Variants in CFAP299 observed in about 807,000 individuals in gnomAD.
CFAP299 encodes cilia and flagella associated protein 299.
A neutral mutation model predicts 27.0 loss-of-function variants in CFAP299; 21 were observed. The observed-to-expected ratio is 0.78, with a 90% CI of 0.55 to 1.12. The LOEUF is 1.12. Ranked by LOEUF, CFAP299 falls within the 50% of genes most tolerant of loss-of-function variation. The pLI, the probability that CFAP299 is intolerant of heterozygous loss-of-function variation, is 0.00. For synonymous variants in CFAP299, 104 were observed against 98.1 expected (o/e 1.06, Z -0.36); for missense variants, 310 against 276.6 (o/e 1.12, Z -0.86).
At chr4:80,712,705 T>C (rs1344150114) in intron 3 of CFAP299, among the ~76,000 whole-genome samples, 1 of 152,208 alleles carries the variant, frequency 6.6e-6, no homozygotes, top group Non-Finnish European at 1.5e-5. Flanking sequence ...TGAATTAGTA[T>C]GTTTTTCCCT....
chr4:80,659,711 CT>C (rs1740738377), intron 3 of CFAP299, among the ~76,000 whole-genome samples: 1 of 152,018 alleles, frequency 6.6e-6, no homozygotes, highest in South Asian at 2.1e-4. Context: ...TATAACTACT[CT>C]GAAAAATAAA....
intron 4 of CFAP299, among the ~76,000 whole-genome samples, chr4:80,873,633 G>A (rs1245589456): frequency 6.6e-6 from 1 of 152,190 alleles, no homozygotes; most frequent in Non-Finnish European, 1.5e-5. Context: ...AAACACTGAT[G>A]AGACAGGACA....
intron 3 of CFAP299, among the ~76,000 whole-genome samples, chr4:80,717,701 A>G (rs1722566484): frequency 6.6e-6 from 1 of 152,160 alleles, no homozygotes; most frequent in African/African-American, 2.4e-5. Context: ...AATGTTTTAC[A>G]TTCATTAGTT....
chr4:80,487,371 G>A (rs1015335344), intron 2 of CFAP299, among the ~76,000 whole-genome samples: 2 of 152,098 alleles, frequency 1.3e-5, no homozygotes, highest in African/African-American at 4.8e-5. Flanking sequence ...ATTTACAGAG[G>A]CTATCAGTTT....
Position 80,603,040 on chromosome 4 carries a change from A to G in CFAP299, c.333+19857A>G, listed in dbSNP as rs554232949. ...CCCATACTCCCAAAAGTATAAGCAA[A>G]TATTTATCTGCTTTTAGGATAAAGA... On this transcript the variant is annotated intron_variant, in intron 3 of 5. Coordinates refer to ENST00000358105, the MANE Select transcript of CFAP299 (RefSeq NM_152770.3). Among the ~76,000 whole-genome samples, 23 of 152,228 alleles carry G rather than the reference A, an allele frequency of 1.5e-4. No homozygotes were observed. The South Asian group carries it at 4.8e-3, about 32-fold the overall frequency.
intron 4 of CFAP299, among the ~76,000 whole-genome samples, chr4:80,908,746 C>T (rs1735311343): frequency 6.6e-6 from 1 of 152,130 alleles, no homozygotes; most frequent in Admixed American, 6.6e-5. Flanking sequence ...TAAATATTTG[C>T]TAAAGCAGAT....
intron 2 of CFAP299, among the ~76,000 whole-genome samples, chr4:80,562,044 T>C (rs1735058646): frequency 6.6e-6 from 1 of 152,138 alleles, no homozygotes; most frequent in Admixed American, 6.6e-5. Context: ...GTTTTCTTTT[T>C]GCTTGTTTAT....
intron 2 of CFAP299, among the ~76,000 whole-genome samples, chr4:80,525,647 C>T (rs926344500): frequency 3.3e-5 from 5 of 152,122 alleles, no homozygotes; most frequent in Non-Finnish European, 5.9e-5. Flanking sequence ...GCCGTTTCCT[C>T]CCCGGTCTCG....
At chr4:80,472,340 C>T (rs1469897393) in intron 2 of CFAP299, among the ~76,000 whole-genome samples, 5 of 152,146 alleles carry the variant, frequency 3.3e-5, no homozygotes, top group African/African-American at 9.7e-5. Context: ...CTCTATAACA[C>T]AATTGCAATG....
rs867243765 is a variant in CFAP299 at position 80,845,294 on chromosome 4, A to T, written c.334-24699A>T. Reference sequence around the variant, plus strand: ...GTCCCACACTGTTTTTTTTTTTTTTAAAAGACCGTTCAAGTTTTTCAGTGA... The same window carrying T: ...GTCCCACACTGTTTTTTTTTTTTTTTAAAGACCGTTCAAGTTTTTCAGTGA... On this transcript the variant is annotated intron_variant, in intron 3 of 5. Transcript: ENST00000358105. Among the ~76,000 whole-genome samples the T allele has an allele frequency of 4.8e-3, 642 of 132,644 alleles. 1 individual carries two copies. Among genetic ancestry groups the T allele is most frequent in the African/African-American group, 0.018 (547 of 30,756 alleles). 87.0% of individuals were successfully genotyped at this position (132,644 alleles called of 152,430 possible).
chr4:80,815,951 G>T (rs951411472), intron 3 of CFAP299, among the ~76,000 whole-genome samples: 1 of 151,768 alleles, frequency 6.6e-6, no homozygotes, highest in Admixed American at 6.6e-5. Flanking sequence ...TACAATACTT[G>T]TAATATTAAA....
chr4:80,691,971 G>T (rs1407226479), intron 3 of CFAP299, among the ~76,000 whole-genome samples: 1 of 152,004 alleles, frequency 6.6e-6, no homozygotes, highest in Non-Finnish European at 1.5e-5. Context: ...AAAATACCTA[G>T]GAATCCAACT....
chr4:80,903,970 T>C (rs956542664), intron 4 of CFAP299, among the ~76,000 whole-genome samples: 2 of 152,194 alleles, frequency 1.3e-5, no homozygotes, highest in African/African-American at 4.8e-5. Context: ...ATATATAATT[T>C]TTTATTTGAG....
At chr4:80,912,227 C>T (rs1462273180) in intron 4 of CFAP299, among the ~76,000 whole-genome samples, 1 of 152,136 alleles carries the variant, frequency 6.6e-6, no homozygotes, top group African/African-American at 2.4e-5. Context: ...GATATAGTGC[C>T]TCTTCAAGAT....
At chr4:80,926,408 G>A (rs1410728922) in intron 4 of CFAP299, among the ~76,000 whole-genome samples, 2 of 151,976 alleles carry the variant, frequency 1.3e-5, no homozygotes, top group African/African-American at 2.4e-5. Context: ...AAGGGATGCA[G>A]ACCAAAGGTG....
At chr4:80,673,815 A>G (rs537193607) in intron 3 of CFAP299, among the ~76,000 whole-genome samples, 1 of 145,636 alleles carries the variant, frequency 6.9e-6, no homozygotes, top group African/African-American at 2.5e-5. Context: ...AGTATGTTTT[A>G]TCAGAGACTA....
chr4:80,499,680 C>T (rs973621882), intron 2 of CFAP299, among the ~76,000 whole-genome samples: 1 of 151,826 alleles, frequency 6.6e-6, no homozygotes, highest in African/African-American at 2.4e-5. Flanking sequence ...TTTTTTGTTT[C>T]TATTAATTTT....
At chr4:80,898,790 G>A (rs972818911) in intron 4 of CFAP299, among the ~76,000 whole-genome samples, 4 of 152,130 alleles carry the variant, frequency 2.6e-5, no homozygotes, top group African/African-American at 9.7e-5. Context: ...TGATAGTGAT[G>A]AGTAAATTAA....
chr4:80,528,734 T>C (rs929533917), intron 2 of CFAP299, among the ~76,000 whole-genome samples: 3 of 152,146 alleles, frequency 2.0e-5, no homozygotes, highest in South Asian at 4.1e-4. Flanking sequence ...CTTGAGGTCA[T>C]TATATCCTAA....
Sources: gnomAD v4.1 joint callset for allele counts (sites outside exome capture counted in the v4.1 genomes callset) on GRCh38, gnomAD v4.1.1 for gene constraint, MANE v1.5 for transcripts, NCBI Gene and HGNC (gene_info 2026-07-23, HGNC 2026-07-21) for gene names.